The following BCL9 variants were observed in gnomAD, a reference collection of about 807,000 sequenced individuals.
BCL9 encodes the protein B-cell CLL/lymphoma 9 protein.
A neutral mutation model predicts 88.5 loss-of-function variants in BCL9; 25 were observed. The observed-to-expected ratio is 0.28, with a 90% CI of 0.21 to 0.39. The LOEUF (loss-of-function observed/expected upper bound fraction) is 0.39, where lower values mean the gene tolerates loss of function less well. Ranked by LOEUF, BCL9 falls within the 10% of genes least tolerant of loss-of-function variation. The pLI, the probability that BCL9 is intolerant of heterozygous loss-of-function variation, is 1.00. For synonymous variants in BCL9, 711 were observed against 673.3 expected (o/e 1.06, Z -0.87); for missense variants, 1,817 against 1,877.8 (o/e 0.97, Z 0.60).
rs1352718743 is a variant in BCL9 at position 147,613,225 on chromosome 1, C to G, written c.370+26C>G. 8.1e-6 allele frequency: 13 copies of G among 1,612,234 alleles called. No homozygotes were observed. In the Admixed American group the frequency reaches 1.7e-4, roughly 21 times the overall value. ...GTATGTCTATAAGATCTTTGAGACT[C>G]AGAGGGAAGTAGGTGTTCCTGAGGG... On this transcript the variant is annotated intron_variant, in intron 5 of 9. Coordinates refer to ENST00000234739, the MANE Select transcript of BCL9 (RefSeq NM_004326.4).
Position 147,625,134 on chromosome 1 carries a change from A to G in BCL9, c.*175A>G, listed in dbSNP as rs1416563645. On this transcript the variant is annotated 3_prime_UTR_variant, in exon 10 of 10. Transcript: ENST00000234739. ...AATGTATGGATTTACCTGAAAACAA[A>G]TTATTCATTTAATCAACAGGTGTGT... 2.3e-5 allele frequency: 16 copies of G among 699,052 alleles called. No homozygotes were observed. The highest frequency in any genetic ancestry group is 2.0e-4 in the East Asian group (7 of 34,718). 43.3% of individuals were successfully genotyped at this position (699,052 alleles called of 1,614,324 possible).
chr1:147,618,729 G>A, intron 7 of BCL9, 87 bp from the exon 8 acceptor site: 7 of 1,287,506 alleles, frequency 5.4e-6, no homozygotes, highest in Non-Finnish European at 7.2e-6. Flanking sequence ...TGTGCCTGGG[G>A]ACAATTCCTT....
At chr1:147,544,114 C>A (rs1468277949) in intron 1 of BCL9, among the ~76,000 whole-genome samples, 1 of 152,132 alleles carries the variant, frequency 6.6e-6, no homozygotes, top group East Asian at 1.9e-4. Flanking sequence ...GCAGATATAC[C>A]CCTGCCCTCA....
chr1:147,562,135 C>A (rs945307024), intron 1 of BCL9, among the ~76,000 whole-genome samples: 1 of 152,084 alleles, frequency 6.6e-6, no homozygotes, highest in African/African-American at 2.4e-5. Flanking sequence ...TCAAGACCAG[C>A]CTGACCAACA....
At chr1:147,581,900 A>G (rs1553198680) in intron 1 of BCL9, among the ~76,000 whole-genome samples, 1 of 151,932 alleles carries the variant, frequency 6.6e-6, no homozygotes, top group Non-Finnish European at 1.5e-5. Context: ...CTGATTCTGG[A>G]TTTTTTTCCA....
intron 1 of BCL9, among the ~76,000 whole-genome samples, chr1:147,564,534 C>CT (rs1655521186): frequency 2.0e-5 from 3 of 152,104 alleles, no homozygotes; most frequent in Admixed American, 2.0e-4. Flanking sequence ...GGGAAAACGT[C>CT]TGAGTCTCAA....
chr1:147,572,198 C>T (rs1021027182), intron 1 of BCL9, among the ~76,000 whole-genome samples: 8 of 152,074 alleles, frequency 5.3e-5, no homozygotes, highest in African/African-American at 1.9e-4. Context: ...GCCAAGATTG[C>T]GCCACTGCAC....
intron 1 of BCL9, among the ~76,000 whole-genome samples, chr1:147,596,327 A>G (rs1657046692): frequency 6.6e-6 from 1 of 152,224 alleles, no homozygotes; most frequent in Non-Finnish European, 1.5e-5. Context: ...AAACCTAAAA[A>G]GAAATAATTT....
At chr1:147,556,221 C>A (rs1240248213) in intron 1 of BCL9, among the ~76,000 whole-genome samples, 1 of 151,876 alleles carries the variant, frequency 6.6e-6, no homozygotes, top group African/African-American at 2.4e-5. Flanking sequence ...AGGGTTCAAG[C>A]AATTCTCCTG....
chr1:147,557,613 G>T (rs12076046), intron 1 of BCL9, among the ~76,000 whole-genome samples: 3 of 151,980 alleles, frequency 2.0e-5, no homozygotes, highest in East Asian at 3.9e-4. Flanking sequence ...TGAATTTCAC[G>T]TTGAACTAAA....
chr1:147,592,606 A>T (rs782252881), intron 1 of BCL9, among the ~76,000 whole-genome samples: 29 of 152,186 alleles, frequency 1.9e-4, no homozygotes, highest in Admixed American at 1.9e-3. Context: ...AATTTAAAAG[A>T]GTGTGTCAGG....
At chr1:147,550,140 G>A (rs2101470313) in intron 1 of BCL9, among the ~76,000 whole-genome samples, 1 of 152,190 alleles carries the variant, frequency 6.6e-6, no homozygotes, top group African/African-American at 2.4e-5. Context: ...TGCTTTATAG[G>A]TTCTTAGCCA....
At chr1:147,585,174 A>G (rs1656544578) in intron 1 of BCL9, among the ~76,000 whole-genome samples, 1 of 152,216 alleles carries the variant, frequency 6.6e-6, no homozygotes, top group Non-Finnish European at 1.5e-5. Context: ...GGTGGGATTT[A>G]TTAAAAGAGA....
At chr1:147,576,247 G>A (rs587688200) in intron 1 of BCL9, among the ~76,000 whole-genome samples, 1 of 152,024 alleles carries the variant, frequency 6.6e-6, no homozygotes, top group Admixed American at 6.6e-5. Context: ...CTTGCACAAA[G>A]TATAAAATTC....
At chr1:147,565,727 T>A (rs1359793328) in intron 1 of BCL9, among the ~76,000 whole-genome samples, 4 of 152,138 alleles carry the variant, frequency 2.6e-5, no homozygotes, top group Non-Finnish European at 5.9e-5. Flanking sequence ...TCTAGAGAAT[T>A]TGGAATGGAG....
chr1:147,602,930 T>C (rs1249142111), intron 1 of BCL9, among the ~76,000 whole-genome samples: 1 of 152,232 alleles, frequency 6.6e-6, no homozygotes, highest in South Asian at 2.1e-4. Context: ...TCCCATTGAC[T>C]TATGTGTGAC....
intron 1 of BCL9, among the ~76,000 whole-genome samples, chr1:147,598,705 C>A (rs1657164211): frequency 6.6e-6 from 1 of 152,238 alleles, no homozygotes; most frequent in South Asian, 2.1e-4. Flanking sequence ...GGGCAGTCTT[C>A]ACCTAACGGA....
chr1:147,548,154 C>A (rs1654689495), intron 1 of BCL9, among the ~76,000 whole-genome samples: 1 of 152,080 alleles, frequency 6.6e-6, no homozygotes, highest in African/African-American at 2.4e-5. Flanking sequence ...GTTGGACTTT[C>A]TGTTATCCTT....
At chr1:147,621,840 G>A (rs1024242946) in intron 8 of BCL9, among the ~76,000 whole-genome samples, 11 of 152,158 alleles carry the variant, frequency 7.2e-5, no homozygotes, top group Admixed American at 3.9e-4. Context: ...TCAAGAATGC[G>A]TGTAGGGTGA....
Sources: allele counts gnomAD v4.1 joint callset (sites outside exome capture counted in the v4.1 genomes callset), GRCh38; gene constraint gnomAD v4.1.1; transcripts MANE v1.5; gene names NCBI Gene and HGNC (gene_info 2026-07-23, HGNC 2026-07-21).